NOTCH1: variants seen among roughly 807,000 people sequenced by gnomAD.
NOTCH1 encodes notch receptor 1, also known as neurogenic locus notch homolog protein 1.
Under a neutral mutation model 254.8 loss-of-function variants are expected in NOTCH1, and 37 were observed. That is an observed-to-expected ratio of 0.15 (90% confidence interval 0.11 to 0.19). The LOEUF is 0.19. NOTCH1 is among the 10% of genes least tolerant of loss of function. The probability of loss-of-function intolerance (pLI) is 1.00; values close to 1 mark genes in which losing one functional copy is unlikely to be tolerated. For synonymous variants in NOTCH1, 1,731 were observed against 1,618.1 expected, an observed-to-expected ratio of 1.07 and a Z score of -1.68; for missense variants, 2,972 against 3,708.6, an observed-to-expected ratio of 0.80 and a Z score of 5.16.
chr9:136,526,531 G>C (rs1353266881), intron 2 of NOTCH1, among the ~76,000 whole-genome samples: 1 of 152,208 alleles, frequency 6.6e-6, no homozygotes, highest in Non-Finnish European at 1.5e-5. Context: ...AGGGGCAGGG[G>C]AGGCCCATCC....
chr9:136,513,323 G>T lies in NOTCH1; in HGVS notation c.2353+69C>A, dbSNP rs183880565. ...ATGGTGCTGGCTGGACCTGGGTCCC[G>T]ATCCTGTGTCTCCAGCTCCCCAGAC... On this transcript the variant is annotated intron_variant, in intron 14 of 33. Coordinates refer to ENST00000651671, the MANE Select transcript of NOTCH1 (RefSeq NM_017617.5). This position sits in a 1 kb window ranked among gnomAD's most constrained non-coding sequence, Gnocchi z 4.7. 3 of 1,605,732 alleles carry T rather than the reference G, an allele frequency of 1.9e-6. No homozygotes were observed. Among genetic ancestry groups the T allele is most frequent in the Non-Finnish European group, 1.7e-6 (2 of 1,176,292 alleles).
At position 136,540,395 on chromosome 9, in the gene NOTCH1, G is replaced by A. The variant is rs752546013; in HGVS notation, c.140+3629C>T. ...CTGGGAGATGGACTTCCCCAGAGCCGGCAAGTCCCTCCCCAGGCAGTGCCA... is the reference window on the plus strand; with the variant it reads ...CTGGGAGATGGACTTCCCCAGAGCCAGCAAGTCCCTCCCCAGGCAGTGCCA... On this transcript the variant is annotated intron_variant, in intron 2 of 33. Transcript: ENST00000651671. The surrounding 1 kb of genome is among the most constrained non-coding windows in gnomAD (Gnocchi z 4.4). Among the ~76,000 whole-genome samples, 18 of 151,986 alleles carry A rather than the reference G, an allele frequency of 1.2e-4. No homozygotes were observed. The highest frequency in any genetic ancestry group is 2.1e-4 in the Non-Finnish European group (14 of 67,954).
rs574510779 is a variant in NOTCH1 at position 136,519,753 on chromosome 9, T to C, written c.743-188A>G. On this transcript the variant is annotated intron_variant, in intron 4 of 33. Coordinates refer to ENST00000651671, the MANE Select transcript of NOTCH1 (RefSeq NM_017617.5). ...GGACACGCCCTGCTTGAAAGAATCA[T>C]TTTGGACAGGACTGGCTAAACAGGG... The C allele has an allele frequency of 1.3e-5, 10 of 764,136 alleles. No homozygotes were observed. The African/African-American group carries it at 1.7e-4, about 13-fold the overall frequency. The allele number at this position is 764,136 out of a possible 1,614,324, so 47.3% of individuals were successfully genotyped here.
rs1843104642 is a variant in NOTCH1 at position 136,507,343 on chromosome 9, G to A, written c.3605C>T (p.Pro1202Leu). 1 of 1,612,836 alleles carries A rather than the reference G, an allele frequency of 6.2e-7. No homozygotes were observed. Among genetic ancestry groups the A allele is most frequent in the Admixed American group, 1.7e-5 (1 of 60,002 alleles). ...CQNGGTCLDLPNTYKCSCPRG... is the reference protein window; with the variant it reads ...CQNGGTCLDLLNTYKCSCPRG... ...TGGGCAGGAGCACTTGTAGGTGTTG[G>A]GGAGGTCGAGGCAGGTGCCCCCGTT... Residue 1202 changes from proline (P) to leucine (L), a missense_variant, in exon 22 of 34, where the codon CCC becomes CTC. This residue lies in a region of NOTCH1 where 1,343 missense variants were observed against 1,557.0 expected (regional missense o/e 0.86). Coordinates refer to ENST00000651671, the MANE Select transcript of NOTCH1 (RefSeq NM_017617.5).
intron 13 of NOTCH1, among the ~76,000 whole-genome samples, chr9:136,514,044 G>A (rs1385285858): frequency 6.6e-6 from 1 of 152,176 alleles, no homozygotes; most frequent in Non-Finnish European, 1.5e-5. Flanking sequence ...TTAGCGAGGG[G>A]ACCATGCCAA....
intron 24 of NOTCH1, 80 bp from the exon 25 acceptor site, chr9:136,505,961 A>G: frequency 7.7e-7 from 1 of 1,297,602 alleles, no homozygotes; most frequent in South Asian, 1.3e-5. Flanking sequence ...GCCCTCGGCC[A>G]GCAGTGCCAC....
In NOTCH1 at chr9:136,506,385, A is replaced by C; in HGVS notation, c.4014+142T>G. 1 of 348,722 alleles carries C rather than the reference A, an allele frequency of 2.9e-6. No individual in the cohort carries two copies. The allele number at this position is 348,722 out of a possible 1,614,324, so 21.6% of individuals were successfully genotyped here. A position where few individuals can be genotyped will look rare whatever the true frequency, so the allele number is the denominator to read the frequency against. On this transcript the variant is annotated intron_variant, in intron 24 of 33. Coordinates refer to ENST00000651671, the MANE Select transcript of NOTCH1 (RefSeq NM_017617.5). This position sits in a 1 kb window ranked among gnomAD's most constrained non-coding sequence, Gnocchi z 4.5. ...TCTCTAAAATCATTTATTGAAACTAAAAAAAAAAAAAAGACATCAGGGTGA... is the reference window on the plus strand; with the variant it reads ...TCTCTAAAATCATTTATTGAAACTACAAAAAAAAAAAAGACATCAGGGTGA...
chr9:136,496,117 G>A lies in NOTCH1; in HGVS notation c.7622C>T (p.Thr2541Ile), dbSNP rs2133313833. The change falls in exon 34 of 34, where the codon ACC becomes ATC. Residue 2541 changes from threonine (T) to isoleucine (I), a missense_variant. By Grantham distance (89) the Thr-to-Ile change is moderately conservative. Coordinates refer to ENST00000651671, the MANE Select transcript of NOTCH1 (RefSeq NM_017617.5). ...GCGGGCGATCTGGGACTGCATGCTG[G>A]TGGGAGGGCTGGAGACGCCCTCGGA... ...DWSEGVSSPP[T>I]SMQSQIARIP... 1.2e-6 allele frequency: 2 copies of A among 1,609,336 alleles called. No homozygotes were observed. Among genetic ancestry groups the A allele is most frequent in the South Asian group, 1.1e-5 (1 of 90,106 alleles).
chr9:136,527,363 C>A (rs1341506900), intron 2 of NOTCH1, among the ~76,000 whole-genome samples: 1 of 152,272 alleles, frequency 6.6e-6, no homozygotes, highest in Non-Finnish European at 1.5e-5. Context: ...GTACCCGGGC[C>A]ACTCTGTCTT....
chr9:136,521,776 G>A (rs1252864061), intron 4 of NOTCH1, among the ~76,000 whole-genome samples: 1 of 152,156 alleles, frequency 6.6e-6, no homozygotes, highest in South Asian at 2.1e-4. Flanking sequence ...TCAGCTGACT[G>A]GGCAGCCAGG....
rs2133379495 is a variant in NOTCH1 at position 136,523,879 on chromosome 9, C to G, written c.241G>C (p.Gly81Arg). ...CAGCTGCAGGCATAGTCTGCCACGC[C>G]TCTGCGGTCCACCACGTGGCATGTC... is the stretch of plus-strand genomic sequence containing the variant. ...AGTCHVVDRR[G>R]VADYACSCAL... is the part of the protein sequence containing the mutation. The change falls in exon 3 of 34, where the codon GGC becomes CGC. Residue 81 changes from glycine to arginine, a missense_variant. Gly to Arg is a moderately radical substitution (Grantham distance 125, BLOSUM62 -2). Coordinates refer to ENST00000651671, the MANE Select transcript of NOTCH1 (RefSeq NM_017617.5). The G allele has an allele frequency of 6.2e-7, 1 of 1,610,302 alleles. No individual in the cohort carries two copies. The highest frequency in any genetic ancestry group is 8.5e-7 in the Non-Finnish European group (1 of 1,179,060).
chr9:136,521,969 T>C (rs572400290), intron 4 of NOTCH1, among the ~76,000 whole-genome samples: 1 of 150,950 alleles, frequency 6.6e-6, no homozygotes, highest in African/African-American at 2.4e-5. Context: ...TTTTCTTTTT[T>C]CTCTTCACTT....
At chr9:136,539,407 G>A (rs1025326294) in intron 2 of NOTCH1, among the ~76,000 whole-genome samples, 7 of 151,760 alleles carry the variant, frequency 4.6e-5, no homozygotes, top group African/African-American at 1.7e-4. Flanking sequence ...TTGTTTTTTT[G>A]AGACAGAGTC....
intron 9 of NOTCH1, 82 bp from the exon 10 acceptor site, chr9:136,516,176 T>C: frequency 9.2e-7 from 1 of 1,086,962 alleles, no homozygotes; most frequent in Non-Finnish European, 1.4e-6. Flanking sequence ...ACCCCAGCAG[T>C]GAGCGCCTGG....
At position 136,496,234 on chromosome 9, in the gene NOTCH1, A is replaced by T. The variant is rs1842911153; in HGVS notation, c.7505T>A (p.Leu2502Gln). The change falls in exon 34 of 34, where the codon CTA becomes CAA. Residue 2502 changes from leucine (L) to glutamine (Q), a missense_variant. Coordinates refer to ENST00000651671, the MANE Select transcript of NOTCH1 (RefSeq NM_017617.5). ...GAGGAAGGGGTGCTCAGGCACCTGT[A>T]GCTGGTGGCTGGGGGTGTTGTCCAC... ...SPVDNTPSHQ[L>Q]QVPEHPFLTP... 6.2e-7 allele frequency: 1 copy of T among 1,606,514 alleles called. No homozygotes were observed. The highest frequency in any genetic ancestry group is 8.5e-7 in the Non-Finnish European group (1 of 1,176,440).
chr9:136,524,916 G>C (rs1423916240), intron 2 of NOTCH1, among the ~76,000 whole-genome samples: 2 of 152,136 alleles, frequency 1.3e-5, no homozygotes, highest in Admixed American at 1.3e-4. Context: ...GATTACAGGC[G>C]TAAGCCACCG....
Position 136,545,713 on chromosome 9 carries a change from G to A in NOTCH1, c.61+13C>T. 1 of 1,440,514 alleles carries A rather than the reference G, an allele frequency of 6.9e-7. No individual in the cohort carries two copies. The allele number at this position is 1,440,514 out of a possible 1,614,324, so 89.2% of individuals were successfully genotyped here. On this transcript the variant is annotated intron_variant, in intron 1 of 33. Transcript: ENST00000651671. This position sits in a 1 kb window ranked among gnomAD's most constrained non-coding sequence, Gnocchi z 6.8. Reference sequence around the variant, plus strand: ...CGCGGAAAGTGGGGGCTCGCGGGTGGGTGGGCGCCTACCTCGTGCGGCGAG... The same window carrying A: ...CGCGGAAAGTGGGGGCTCGCGGGTGAGTGGGCGCCTACCTCGTGCGGCGAG...
At position 136,508,846 on chromosome 9, in the gene NOTCH1, C is replaced by G. The variant is rs779370513; in HGVS notation, c.3171+24G>C. 10 of 1,533,154 alleles carry G rather than the reference C, an allele frequency of 6.5e-6. No individual in the cohort carries two copies. In the South Asian group the frequency reaches 9.6e-5, roughly 15 times the overall value. 95.0% of individuals were successfully genotyped at this position (1,533,154 alleles called of 1,614,324 possible). A position where few individuals can be genotyped will look rare whatever the true frequency, so the allele number is the denominator to read the frequency against. On this transcript the variant is annotated intron_variant, in intron 19 of 33. Coordinates refer to ENST00000651671, the MANE Select transcript of NOTCH1 (RefSeq NM_017617.5). Reference sequence around the variant, plus strand: ...ACCCACCCAGGGCCCCTCCTTCGGGCACCTCTGTGGCCGGCGCACTCACCT... The same window carrying G: ...ACCCACCCAGGGCCCCTCCTTCGGGGACCTCTGTGGCCGGCGCACTCACCT...
intron 21 of NOTCH1, 133 bp downstream of exon 21, chr9:136,507,822 C>G: frequency 1.0e-6 from 1 of 967,606 alleles, no homozygotes; most frequent in Non-Finnish European, 1.6e-6. Flanking sequence ...TACCCCAGCC[C>G]TCCCCTAATG....
Sources: gnomAD v4.1 joint callset for allele counts (sites outside exome capture counted in the v4.1 genomes callset) on GRCh38, gnomAD v4.1.1 for gene constraint, gnomAD v4.1.1 regional missense constraint, Gnocchi (gnomAD v3.1) non-coding constraint, MANE v1.5 for transcripts, NCBI Gene and HGNC (gene_info 2026-07-23, HGNC 2026-07-21) for gene names.